Variants in VPS13A observed in about 807,000 individuals in gnomAD.
The protein encoded by VPS13A is intermembrane lipid transfer protein VPS13A.
A neutral mutation model predicts 390.9 loss-of-function variants in VPS13A; 264 were observed. The ratio of observed to expected loss-of-function variants is 0.68; its 90% CI spans 0.61 to 0.75. The LOEUF (loss-of-function observed/expected upper bound fraction) is 0.75. Ranked by LOEUF, VPS13A falls within the 30% of genes least tolerant of loss-of-function variation. The pLI is 0.00. For missense variants in VPS13A, 3,409 were observed against 3,733.9 expected (o/e 0.91, Z 2.27); for synonymous variants, 1,231 against 1,227.1 (o/e 1.00, Z -0.07).
At chr9:77,268,948 A>G (rs1487132219) in intron 23 of VPS13A, among the ~76,000 whole-genome samples, 1 of 152,084 alleles carries the variant, frequency 6.6e-6, no homozygotes, top group Non-Finnish European at 1.5e-5. Context: ...TCAAAAAAAA[A>G]AAAAAAGAAA....
At chr9:77,344,694 G>T (rs1688956937) in intron 51 of VPS13A, among the ~76,000 whole-genome samples, 1 of 151,922 alleles carries the variant, frequency 6.6e-6, no homozygotes, top group East Asian at 1.9e-4. Flanking sequence ...GGGAGGTGGA[G>T]CTTGCAGTGA....
rs1826937784 is a variant in VPS13A at position 77,280,204 on chromosome 9, C to T, written c.2870C>T (p.Thr957Ile). 2 of 1,612,798 alleles carry T rather than the reference C, an allele frequency of 1.2e-6. No homozygotes were observed. Among genetic ancestry groups the T allele is most frequent in the South Asian group, 2.2e-5 (2 of 90,982 alleles). The change falls in exon 27 of 72, where the codon ACA (threonine) becomes ATA (isoleucine). Residue 957 changes from threonine to isoleucine, a missense_variant. Physicochemically the swap from Thr to Ile is moderately conservative, Grantham distance 89 (BLOSUM62 -1). Coordinates refer to ENST00000360280, the MANE Select transcript of VPS13A (RefSeq NM_033305.3). The stretch of plus-strand genomic sequence containing the variant: ...TATTTGGTTACAACCCTGGATAACA[C>T]AATGGAAGACCTGTTAACGCTGGAA... ...PVYLVTTLDN[T>I]MEDLLTLEYV...
At chr9:77,230,906 A>G (rs1168384964) in intron 17 of VPS13A, among the ~76,000 whole-genome samples, 1 of 152,170 alleles carries the variant, frequency 6.6e-6, no homozygotes, top group East Asian at 1.9e-4. Flanking sequence ...TCATTTATTT[A>G]GATTTTTAAA....
chr9:77,220,375 C>T lies in VPS13A; in HGVS notation c.981C>T (p.Ala327=), dbSNP rs368425803. Residue 327 remains alanine (A), a synonymous_variant, in exon 12 of 72, where the codon GCC becomes GCT. Transcript: ENST00000360280. ...CTGATGTGCCTCTTCACCACCATGC[C>T]AGAGAATGGTAAATGCCTTGATTTT... The part of the protein sequence containing the change: ...FKPDVPLHHH[A]REWWAYAIHG... 118 of 1,604,296 alleles carry T rather than the reference C, an allele frequency of 7.4e-5. No individual in the cohort carries two copies. The highest frequency in any genetic ancestry group is 3.0e-4 in the South Asian group (27 of 89,298).
intron 53 of VPS13A, among the ~76,000 whole-genome samples, chr9:77,352,580 T>C (rs1242318419): frequency 1.3e-5 from 2 of 152,174 alleles, no homozygotes; most frequent in Non-Finnish European, 2.9e-5. Flanking sequence ...ATTTATATCA[T>C]AGTGATAGTT....
intron 51 of VPS13A, among the ~76,000 whole-genome samples, chr9:77,344,587 C>G (rs931825678): frequency 2.6e-5 from 4 of 152,152 alleles, no homozygotes; most frequent in African/African-American, 9.6e-5. Context: ...GAAACCCTGT[C>G]TCTACTAAAG....
In VPS13A at chr9:77,222,519, C is replaced by T. The variant is rs111939056; in HGVS notation, c.1161+1163C>T. ...TGGGTCTACTTGAAATACAGGCATACTTCACTTTATTGTGCTTTGCAGACA... is the reference window on the plus strand; with the variant it reads ...TGGGTCTACTTGAAATACAGGCATATTTCACTTTATTGTGCTTTGCAGACA... On this transcript the variant is annotated intron_variant, in intron 13 of 71. Transcript: ENST00000360280. 2.5e-3 allele frequency among the ~76,000 whole-genome samples: 381 copies of T among 152,258 alleles called. 1 individual carries two copies. The highest frequency in any genetic ancestry group is 8.6e-3 in the African/African-American group (358 of 41,560).
chr9:77,317,537 G>A, intron 39 of VPS13A, 69 bp from the exon 40 acceptor site: 3 of 1,208,600 alleles, frequency 2.5e-6, no homozygotes, highest in Non-Finnish European at 3.5e-6. Context: ...CTATTACTAG[G>A]AAAGTCTTTA....
At chr9:77,208,650 A>G (rs1427290436) in intron 5 of VPS13A, among the ~76,000 whole-genome samples, 3 of 152,040 alleles carry the variant, frequency 2.0e-5, no homozygotes, top group Admixed American at 6.5e-5. Flanking sequence ...CTCTGGTTCA[A>G]ACGATTCTCC....
rs201107739 is a variant in VPS13A, at chr9:77,382,047, C to T, written c.9149C>T (p.Pro3050Leu). The T allele has an allele frequency of 1.4e-5, 22 of 1,607,894 alleles. No homozygotes were observed. Among genetic ancestry groups the T allele is most frequent in the South Asian group, 4.5e-5 (4 of 89,788 alleles). The change falls in exon 68 of 72, where the codon CCG (proline) becomes CTG (leucine). Residue 3050 changes from proline to leucine, a missense_variant. Pro to Leu is a moderately conservative substitution (Grantham distance 98). Transcript: ENST00000360280. ...TTCAATGAAGATGGAGTTATCAGAC[C>T]GTACAGGTTGAGGGATGGGACTGGA... ...RFFNEDGVIRPYRLRDGTGNQ... is the reference protein window; with the variant it reads ...RFFNEDGVIRLYRLRDGTGNQ...
At chr9:77,183,440 A>T (rs1290986321) in intron 1 of VPS13A, among the ~76,000 whole-genome samples, 2 of 152,122 alleles carry the variant, frequency 1.3e-5, no homozygotes, top group African/African-American at 4.8e-5. Context: ...ACTGCATATT[A>T]GCTTGAGTTT....
At chr9:77,295,894 C>T (rs776141701) in intron 33 of VPS13A, 48 bp downstream of exon 33, 3 of 1,587,318 alleles carry the variant, frequency 1.9e-6, no homozygotes, top group South Asian at 1.1e-5. Context: ...ATTTTTCTAA[C>T]TTTTTAAAGA....
intron 58 of VPS13A, among the ~76,000 whole-genome samples, chr9:77,359,904 C>T (rs1213729974): frequency 6.6e-6 from 1 of 150,982 alleles, no homozygotes; most frequent in Non-Finnish European, 1.5e-5. Context: ...TTATTATTCT[C>T]TTGTACTTGT....
At position 77,314,966 on chromosome 9, in the gene VPS13A, C is replaced by T. The variant is rs148500635; in HGVS notation, c.4413-287C>T. Among the ~76,000 whole-genome samples the T allele has an allele frequency of 6.7e-3, 1,012 of 152,110 alleles. 5 individuals are homozygous for T. The highest frequency in any genetic ancestry group is 0.01 in the South Asian group (49 of 4,818). On this transcript the variant is annotated intron_variant, in intron 37 of 71. Transcript: ENST00000360280. ...AATCTAATATAAGTTATTGTTAATC[C>T]ATGCTAATTGCAATGGGAAGTACAT... is the stretch of plus-strand genomic sequence containing the variant.
At chr9:77,339,278 C>T in intron 47 of VPS13A, 2 of 496,594 alleles carry the variant, frequency 4.0e-6, no homozygotes, top group Non-Finnish European at 7.1e-6. Flanking sequence ...ACAGTTTGTC[C>T]TTTGAAGTAA....
chr9:77,399,307 A>G (rs1000258377), intron 68 of VPS13A, among the ~76,000 whole-genome samples: 1 of 151,638 alleles, frequency 6.6e-6, no homozygotes, highest in Admixed American at 6.6e-5. Context: ...GGAAAGCATT[A>G]TATGAATTAC....
chr9:77,206,263 T>C (rs1334211694), intron 5 of VPS13A, among the ~76,000 whole-genome samples, 184 bp downstream of exon 5: 1 of 151,360 alleles, frequency 6.6e-6, no homozygotes, highest in Non-Finnish European at 1.5e-5. Flanking sequence ...AATTTTACCT[T>C]ATGGAAATTT....
chr9:77,337,116 C>T (rs367998977), intron 46 of VPS13A, 139 bp from the exon 47 acceptor site: 80 of 947,272 alleles, frequency 8.4e-5, no homozygotes, highest in Non-Finnish European at 1.1e-4. Flanking sequence ...TTACTTATAT[C>T]GTAAAAAGTA....
chr9:77,405,432 G>C (rs1028578830), intron 69 of VPS13A, among the ~76,000 whole-genome samples: 1 of 152,162 alleles, frequency 6.6e-6, no homozygotes, highest in Non-Finnish European at 1.5e-5. Flanking sequence ...TTCTTATGAA[G>C]TGCCTTACAT....
Sources: gnomAD v4.1 joint callset for allele counts (sites outside exome capture counted in the v4.1 genomes callset) on GRCh38, gnomAD v4.1.1 for gene constraint, MANE v1.5 for transcripts, NCBI Gene and HGNC (gene_info 2026-07-23, HGNC 2026-07-21) for gene names.